MAP3K5: variants seen among roughly 807,000 people sequenced by gnomAD.
MAP3K5 encodes mitogen-activated protein kinase kinase kinase 5.
MAP3K5 carries 56 observed loss-of-function variants against 158.7 expected under a neutral mutation model. The ratio of observed to expected loss-of-function variants is 0.35; its 90% CI spans 0.28 to 0.44. The LOEUF (loss-of-function observed/expected upper bound fraction) is 0.44, where lower values mean the gene tolerates loss of function less well. Ranked by LOEUF, MAP3K5 falls within the 20% of genes least tolerant of loss-of-function variation. The probability of loss-of-function intolerance (pLI) is 1.00; values close to 1 mark genes in which losing one functional copy is unlikely to be tolerated. For missense variants in MAP3K5, 1,294 were observed against 1,674.8 expected (o/e 0.77, Z 3.97); for synonymous variants, 579 against 601.7 (o/e 0.96, Z 0.55).
intron 18 of MAP3K5, among the ~76,000 whole-genome samples, chr6:136,606,289 T>G (rs1033134124): frequency 1.3e-5 from 2 of 152,044 alleles, no homozygotes; most frequent in African/African-American, 4.8e-5. Flanking sequence ...AGGCGGAGGT[T>G]GCAGTGAGCC....
At chr6:136,784,225 C>T (rs1473906470) in intron 1 of MAP3K5, among the ~76,000 whole-genome samples, 1 of 152,208 alleles carries the variant, frequency 6.6e-6, no homozygotes, top group South Asian at 2.1e-4. Flanking sequence ...AGGATCCTGG[C>T]AGCCCAGGAA....
In MAP3K5 at chr6:136,711,009, AC is replaced by A. The variant is rs372208577; in HGVS notation, c.589-5877del. Among the ~76,000 whole-genome samples the A allele has an allele frequency of 1.5e-3, 235 of 152,050 alleles. 1 individual carries two copies. The highest frequency in any genetic ancestry group is 0.014 in the South Asian group (67 of 4,804). ...CTAGGCCTTGCTGAGAAGGAGAAACACCCCCGTACCCTTTCTGCACACTGCT... is the reference window on the plus strand; with the variant it reads ...CTAGGCCTTGCTGAGAAGGAGAAACACCCCGTACCCTTTCTGCACACTGCT... On this transcript the variant is annotated intron_variant, in intron 2 of 29. Coordinates refer to ENST00000359015, the MANE Select transcript of MAP3K5 (RefSeq NM_005923.4).
At chr6:136,588,194 C>T (rs1775222757) in intron 23 of MAP3K5, among the ~76,000 whole-genome samples, 4 of 152,196 alleles carry the variant, frequency 2.6e-5, no homozygotes, top group Admixed American at 2.6e-4. Flanking sequence ...CCCCACCCCA[C>T]TTTATGTTTT....
intron 12 of MAP3K5, among the ~76,000 whole-genome samples, chr6:136,640,031 T>C (rs1230350160): frequency 6.6e-6 from 1 of 152,212 alleles, no homozygotes; most frequent in Non-Finnish European, 1.5e-5. Flanking sequence ...AATGAAATGT[T>C]TCCAAAGCTA....
At chr6:136,658,637 C>G (rs912036837) in intron 9 of MAP3K5, among the ~76,000 whole-genome samples, 1 of 152,006 alleles carries the variant, frequency 6.6e-6, no homozygotes, top group African/African-American at 2.4e-5. Flanking sequence ...TCAATATGGT[C>G]CTGAATGCAG....
rs991508896 is a variant in MAP3K5, at chr6:136,674,941, C to A, written c.1254-5546G>T. Among the ~76,000 whole-genome samples the A allele has an allele frequency of 2.6e-5, 4 of 151,970 alleles. No individual in the cohort carries two copies. In the South Asian group the frequency reaches 8.3e-4, roughly 32 times the overall value. On this transcript the variant is annotated intron_variant, in intron 7 of 29. Transcript: ENST00000359015. ...AATCCAAAACACTTCTGGTCCCAAG[C>A]ATTTTATATAGAAAAGATACTTAAG...
chr6:136,630,623 T>C lies in MAP3K5; in HGVS notation c.2016+6702A>G, dbSNP rs113116011. Reference sequence around the variant, plus strand: ...AGGAGGTTAATGACCAAAGAGGAGATAGACCACTTGCACCTAGAGGAGATG... The same window carrying C: ...AGGAGGTTAATGACCAAAGAGGAGACAGACCACTTGCACCTAGAGGAGATG... On this transcript the variant is annotated intron_variant, in intron 14 of 29. Coordinates refer to ENST00000359015, the MANE Select transcript of MAP3K5 (RefSeq NM_005923.4). 1.1e-4 allele frequency among the ~76,000 whole-genome samples: 17 copies of C among 152,346 alleles called. No individual in the cohort carries two copies. In the East Asian group the frequency reaches 1.5e-3, roughly 14 times the overall value.
rs1779367373 is a variant in MAP3K5, at chr6:136,669,339, A to T, written c.1310T>A (p.Val437Asp). 6.2e-7 allele frequency: 1 copy of T among 1,613,976 alleles called. No individual in the cohort carries two copies. Among genetic ancestry groups the T allele is most frequent in the Non-Finnish European group, 8.5e-7 (1 of 1,179,872 alleles). ...CTGGTGTCCAGCTGCCAGGAGGAGGACCGCATAATTAATTCCTGACTGTAG... is the reference window on the plus strand; with the variant it reads ...CTGGTGTCCAGCTGCCAGGAGGAGGTCCGCATAATTAATTCCTGACTGTAG... ...PTLQSGINYA[V>D]LLLAAGHQFE... Residue 437 changes from valine (V) to aspartate (D), a missense_variant, in exon 8 of 30, where the codon GTC becomes GAC. Val to Asp is a radical substitution (Grantham distance 152, BLOSUM62 -3). This residue lies in a region of MAP3K5 where 690 missense variants were observed against 870.5 expected (regional missense o/e 0.79). Coordinates refer to ENST00000359015, the MANE Select transcript of MAP3K5 (RefSeq NM_005923.4).
At chr6:136,759,454 C>CTATA (rs570186848) in intron 1 of MAP3K5, among the ~76,000 whole-genome samples, 1,498 of 98,094 alleles carry the variant, frequency 0.015, 59 homozygotes, top group East Asian at 0.041. Flanking sequence ...TATACTAAAA[C>CTATA]TATATATATA....
At chr6:136,659,664 C>T (rs1778918166) in intron 8 of MAP3K5, among the ~76,000 whole-genome samples, 1 of 152,126 alleles carries the variant, frequency 6.6e-6, no homozygotes, top group African/African-American at 2.4e-5. Context: ...GTACCTGTAA[C>T]AGTCAAATTC....
intron 15 of MAP3K5, among the ~76,000 whole-genome samples, chr6:136,620,687 T>C (rs141158166): frequency 6.6e-6 from 1 of 152,296 alleles, no homozygotes; most frequent in African/African-American, 2.4e-5. Context: ...TATTAAATAA[T>C]CCAATCTTCT....
intron 17 of MAP3K5, among the ~76,000 whole-genome samples, chr6:136,612,665 G>A (rs1310940525): frequency 6.6e-6 from 1 of 152,158 alleles, no homozygotes; most frequent in Non-Finnish European, 1.5e-5. Flanking sequence ...TATAATTATA[G>A]TTAAATCAAT....
rs763677418 is a variant in MAP3K5 at position 136,698,657 on chromosome 6, A to G, written c.638T>C (p.Val213Ala). The change falls in exon 4 of 30, where the codon GTT (valine) becomes GCT (alanine). Residue 213 changes from valine (V) to alanine (A), a missense_variant. Around this residue, in one of 5 missense-constraint regions of MAP3K5, gnomAD observed 690 missense variants for 870.5 expected, o/e 0.79. Transcript: ENST00000359015. ...GTTATGTGGAGTTATCATGTAAGGA[A>G]CAAAGGTGTAGTTCCCAGTGCACAT... Reference protein sequence around the residue: ...NTMCTGNYTFVPYMITPHNKV... With the variant: ...NTMCTGNYTFAPYMITPHNKV... 3.7e-6 allele frequency: 6 copies of G among 1,613,870 alleles called. No individual in the cohort carries two copies. In the East Asian group the frequency reaches 1.3e-4, roughly 36 times the overall value.
chr6:136,713,400 T>C (rs1352396720), intron 2 of MAP3K5, among the ~76,000 whole-genome samples: 2 of 152,168 alleles, frequency 1.3e-5, no homozygotes, highest in Non-Finnish European at 2.9e-5. Flanking sequence ...AAGGGCATAT[T>C]TTACCCAGTC....
At chr6:136,715,169 T>C (rs1435359982) in intron 2 of MAP3K5, among the ~76,000 whole-genome samples, 1 of 152,170 alleles carries the variant, frequency 6.6e-6, no homozygotes. Context: ...ACTTCTATAA[T>C]GGATAAAATG....
chr6:136,608,435 C>T (rs1460595235), intron 18 of MAP3K5, among the ~76,000 whole-genome samples: 2 of 152,082 alleles, frequency 1.3e-5, no homozygotes, highest in Non-Finnish European at 2.9e-5. Flanking sequence ...ATGAGAGTGG[C>T]AGCAGCAGAG....
At chr6:136,760,796 C>A (rs1431770873) in intron 1 of MAP3K5, among the ~76,000 whole-genome samples, 1 of 152,116 alleles carries the variant, frequency 6.6e-6, no homozygotes, top group Non-Finnish European at 1.5e-5. Context: ...GTGTCGAAAC[C>A]CTGTCTCTAC....
intron 1 of MAP3K5, among the ~76,000 whole-genome samples, chr6:136,736,422 T>C (rs1389663518): frequency 6.6e-6 from 1 of 152,232 alleles, no homozygotes; most frequent in African/African-American, 2.4e-5. Flanking sequence ...GTATAAATGA[T>C]TCTGCCAGTA....
Position 136,561,629 on chromosome 6 carries a change from AG to A in MAP3K5, c.3890del (p.Pro1297LeufsTer5). 6.2e-7 allele frequency: 1 copy of A among 1,604,812 alleles called. No individual in the cohort carries two copies. Among genetic ancestry groups the A allele is most frequent in the Non-Finnish European group, 8.5e-7 (1 of 1,171,540 alleles). On this transcript the variant is annotated frameshift_variant, in exon 28 of 30. Transcript: ENST00000359015. LOFTEE classifies it high-confidence loss of function. ...TGCCAGAAGAATTTAGATGAAATAC[AG>A]GCAATTCAGGAATTTCTAGAACAGA... ...KSQPIEIPELPVFHLNSSGTN... is the reference protein window; with the variant it reads ...KSQPIEIPELXVFHLNSSGTN...
Sources: allele counts gnomAD v4.1 joint callset (sites outside exome capture counted in the v4.1 genomes callset), GRCh38; gene constraint gnomAD v4.1.1; regional missense constraint gnomAD v4.1.1; transcripts MANE v1.5; gene names NCBI Gene and HGNC (gene_info 2026-07-23, HGNC 2026-07-21).